Variants in JARID2 observed in about 807,000 individuals in gnomAD.
The protein encoded by JARID2 is jumonji and AT-rich interaction domain containing 2.
A neutral mutation model predicts 125.6 loss-of-function variants in JARID2; 21 were observed. That is an observed-to-expected ratio of 0.17 (90% CI 0.12 to 0.24). JARID2 has a LOEUF of 0.24. Among genes scored for constraint, JARID2 ranks in the 10% least tolerant of loss-of-function variants. The pLI, the probability that JARID2 is intolerant of heterozygous loss-of-function variation, is 1.00. For synonymous variants in JARID2, 736 were observed against 661.6 expected, an observed-to-expected ratio of 1.11 and a Z score of -1.73; for missense variants, 1,303 against 1,639.6, an observed-to-expected ratio of 0.79 and a Z score of 3.55.
At chr6:15,471,297 A>G (rs1769064953) in intron 5 of JARID2, among the ~76,000 whole-genome samples, 1 of 152,242 alleles carries the variant, frequency 6.6e-6, no homozygotes. Flanking sequence ...CTGAATAAGT[A>G]AAGTTTTTGA....
chr6:15,413,463 G>C (rs1487244630), intron 3 of JARID2, among the ~76,000 whole-genome samples: 1 of 152,182 alleles, frequency 6.6e-6, no homozygotes, highest in Admixed American at 6.5e-5. Context: ...TAGAAATACA[G>C]AAATTTATTG....
At chr6:15,259,413 T>G (rs1227979144) in intron 1 of JARID2, among the ~76,000 whole-genome samples, 1 of 152,208 alleles carries the variant, frequency 6.6e-6, no homozygotes, top group African/African-American at 2.4e-5. Context: ...GTCAAATTGG[T>G]AGCACATGGT....
chr6:15,280,083 T>C (rs1398540124), intron 1 of JARID2, among the ~76,000 whole-genome samples: 2 of 152,220 alleles, frequency 1.3e-5, no homozygotes, highest in Admixed American at 6.5e-5. Context: ...TATTACCCAT[T>C]GTCTACTTTC....
At chr6:15,362,808 T>C (rs770167407) in intron 1 of JARID2, among the ~76,000 whole-genome samples, 84 of 152,298 alleles carry the variant, frequency 5.5e-4, no homozygotes, top group South Asian at 1.2e-3. Flanking sequence ...TTAGGAGATT[T>C]CTTGTCTTTG....
chr6:15,255,850 A>T (rs951643337), intron 1 of JARID2, among the ~76,000 whole-genome samples: 1 of 152,176 alleles, frequency 6.6e-6, no homozygotes, highest in Non-Finnish European at 1.5e-5. Flanking sequence ...TACTGCTACT[A>T]AATGGACCTA....
At chr6:15,410,826 T>G (rs1018555495) in intron 3 of JARID2, among the ~76,000 whole-genome samples, 3 of 152,244 alleles carry the variant, frequency 2.0e-5, no homozygotes, top group African/African-American at 7.2e-5. Context: ...CCTTGCTGTT[T>G]TACCAAGTTC....
chr6:15,382,501 C>T (rs1764629144), intron 2 of JARID2, among the ~76,000 whole-genome samples: 1 of 152,076 alleles, frequency 6.6e-6, no homozygotes, highest in African/African-American at 2.4e-5. Context: ...GCTGCAATGG[C>T]CGGTTTCCGT....
chr6:15,431,504 G>A (rs1766966481), intron 3 of JARID2, among the ~76,000 whole-genome samples: 1 of 152,196 alleles, frequency 6.6e-6, no homozygotes, highest in Non-Finnish European at 1.5e-5. Context: ...GACAGTGACG[G>A]CTTGTGCCTT....
chr6:15,417,052 C>T lies in JARID2; in HGVS notation c.323+6687C>T, dbSNP rs149357591. Among the ~76,000 whole-genome samples the T allele has an allele frequency of 4.6e-5, 7 of 152,174 alleles. No homozygotes were observed. In the East Asian group the frequency reaches 1.2e-3, roughly 25 times the overall value. ...TTTGGTGATGGTATATTTTTAGATG[C>T]AAGTAAATACGAGATCTGAAGTGTA... On this transcript the variant is annotated intron_variant, in intron 3 of 17. Coordinates refer to ENST00000341776, the MANE Select transcript of JARID2 (RefSeq NM_004973.4).
Position 15,504,586 on chromosome 6 carries a change from A to T in JARID2, c.2535A>T (p.Glu845Asp). Reference sequence around the variant, plus strand: ...TCAGCAAGGAGCCTGCCCCAGCCGAAATCGAGGTGAGAGAAGGGGCCCCTC... The same window carrying T: ...TCAGCAAGGAGCCTGCCCCAGCCGATATCGAGGTGAGAGAAGGGGCCCCTC... ...MCFSKEPAPA[E>D]IEQEYWRLVE... is the part of the protein sequence containing the mutation. The change falls in exon 9 of 18, where the codon GAA (glutamate) becomes GAT (aspartate). Residue 845 changes from glutamate (E) to aspartate (D), a missense_variant. Around this residue, in one of 11 missense-constraint regions of JARID2, gnomAD observed 29 missense variants for 47.7 expected, o/e 0.61. Coordinates refer to ENST00000341776, the MANE Select transcript of JARID2 (RefSeq NM_004973.4). 6.2e-7 allele frequency: 1 copy of T among 1,612,768 alleles called. No individual in the cohort carries two copies. The highest frequency in any genetic ancestry group is 8.5e-7 in the Non-Finnish European group (1 of 1,178,758).
At chr6:15,361,117 G>A (rs1763776644) in intron 1 of JARID2, among the ~76,000 whole-genome samples, 1 of 152,168 alleles carries the variant, frequency 6.6e-6, no homozygotes, top group Admixed American at 6.5e-5. Flanking sequence ...CATTTACTGA[G>A]TTGAAAACCT....
chr6:15,325,275 T>C (rs1349018486), intron 1 of JARID2, among the ~76,000 whole-genome samples: 1 of 152,182 alleles, frequency 6.6e-6, no homozygotes, highest in Non-Finnish European at 1.5e-5. Context: ...TGTGGCTACC[T>C]GTGTGTGTGC....
rs571504037 is a variant in JARID2, at chr6:15,478,726, A to G, written c.671-8581A>G. Reference sequence around the variant, plus strand: ...CTCTTGTCACCTAGGCTGGAGTGCAATGGCGCGATCTCGGCTCACTGCAGT... The same window carrying G: ...CTCTTGTCACCTAGGCTGGAGTGCAGTGGCGCGATCTCGGCTCACTGCAGT... On this transcript the variant is annotated intron_variant, in intron 5 of 17. Transcript: ENST00000341776. Among the ~76,000 whole-genome samples, 15 of 151,970 alleles carry G rather than the reference A, an allele frequency of 9.9e-5. No homozygotes were observed. In the South Asian group the frequency reaches 2.1e-3, roughly 21 times the overall value.
At chr6:15,483,767 T>C (rs1304217743) in intron 5 of JARID2, among the ~76,000 whole-genome samples, 2 of 152,234 alleles carry the variant, frequency 1.3e-5, no homozygotes, top group African/African-American at 2.4e-5. Context: ...TGTACATTCC[T>C]GGAAATGGAA....
intron 5 of JARID2, among the ~76,000 whole-genome samples, chr6:15,473,458 C>G (rs890189258): frequency 4.9e-5 from 7 of 142,588 alleles, no homozygotes; most frequent in African/African-American, 1.8e-4. Context: ...TTGTCATTCC[C>G]TGTCACTTGG....
intron 2 of JARID2, among the ~76,000 whole-genome samples, chr6:15,386,393 C>A (rs961682130): frequency 6.6e-6 from 1 of 152,142 alleles, no homozygotes; most frequent in African/African-American, 2.4e-5. Context: ...GACAAGTGTA[C>A]ACATATAACC....
intron 3 of JARID2, among the ~76,000 whole-genome samples, chr6:15,440,748 G>A (rs1240917391): frequency 2.0e-5 from 3 of 152,222 alleles, no homozygotes; most frequent in African/African-American, 7.2e-5. Flanking sequence ...AGAATGTGCC[G>A]TTGTTTCAGC....
chr6:15,309,331 T>C (rs555602152), intron 1 of JARID2, among the ~76,000 whole-genome samples: 11 of 152,208 alleles, frequency 7.2e-5, no homozygotes, highest in Admixed American at 2.6e-4. Context: ...CGACATTCCA[T>C]GTTTTAAGCA....
At chr6:15,445,255 GA>G (rs1767624610) in intron 3 of JARID2, among the ~76,000 whole-genome samples, 1 of 152,020 alleles carries the variant, frequency 6.6e-6, no homozygotes, top group African/African-American at 2.4e-5. Context: ...TATTACAAAA[GA>G]AAAAAGTATT....
Sources: gnomAD v4.1 joint callset for allele counts (sites outside exome capture counted in the v4.1 genomes callset) on GRCh38, gnomAD v4.1.1 for gene constraint, gnomAD v4.1.1 regional missense constraint, MANE v1.5 for transcripts, NCBI Gene and HGNC (gene_info 2026-07-23, HGNC 2026-07-21) for gene names.